WFDC6: variants seen among roughly 807,000 people sequenced by gnomAD.
The protein encoded by WFDC6 is WAP four-disulfide core domain protein 6.
In WFDC6, 10 loss-of-function variants were observed where a neutral mutation model predicts 8.2. That is an observed-to-expected ratio of 1.22 (90% CI 0.75 to 2.07). The LOEUF (loss-of-function observed/expected upper bound fraction) is 2.07. WFDC6 is among the 30% of genes most tolerant of loss of function. The probability of loss-of-function intolerance (pLI) is 0.00; values close to 1 mark genes in which losing one functional copy is unlikely to be tolerated. For synonymous variants in WFDC6, 28 were observed against 37.0 expected, an observed-to-expected ratio of 0.76 and a Z score of 0.88; for missense variants, 105 against 104.9, an observed-to-expected ratio of 1.00 and a Z score of 0.00.
chr20:45,539,183 G>C, intron 1 of WFDC6, 134 bp downstream of exon 1: 1 of 824,546 alleles, frequency 1.2e-6, no homozygotes, highest in African/African-American at 1.7e-5. Context: ...ACTTCAAATA[G>C]CTCCCCTCTT....
intron 1 of WFDC6, 128 bp from the exon 2 acceptor site, chr20:45,538,222 G>A (rs763188761): frequency 3.1e-5 from 47 of 1,494,122 alleles, no homozygotes; most frequent in Non-Finnish European, 4.2e-5. Flanking sequence ...GAAGGTAGTG[G>A]CCCTCAGGGG....
rs778075106 is a variant in WFDC6 at position 45,534,509 on chromosome 20, T to G, written c.223-4A>C. 9 of 1,613,720 alleles carry G rather than the reference T, an allele frequency of 5.6e-6. No individual in the cohort carries two copies. Among genetic ancestry groups the G allele is most frequent in the Non-Finnish European group, 6.8e-6 (8 of 1,179,866 alleles). ...TATGGTATAAAGTAAGGCTGACCTG[T>G]GAAGCAGAAGAATAAAGGGTGAGAT... On this transcript the variant is annotated splice_region_variant and splice_polypyrimidine_tract_variant and intron_variant, in intron 2 of 2. Coordinates refer to ENST00000372670, the MANE Select transcript of WFDC6 (RefSeq NM_080827.2).
chr20:45,538,673 T>C (rs144826221), intron 1 of WFDC6, among the ~76,000 whole-genome samples: 1 of 152,240 alleles, frequency 6.6e-6, no homozygotes, highest in Non-Finnish European at 1.5e-5. Context: ...TCATTACAAA[T>C]CTATGGGTAA....
rs779665929 is a variant in WFDC6, at chr20:45,539,288, A to G, written c.91+29T>C. The G allele has an allele frequency of 6.9e-6, 11 of 1,603,250 alleles. No individual in the cohort carries two copies. The Admixed American group carries it at 1.5e-4, about 22-fold the overall frequency. ...CCTCCCCACTGAGTTTCCTTTCCCC[A>G]TTGCAAGGACGGAGTTCCCAATACT... On this transcript the variant is annotated intron_variant, in intron 1 of 2. Coordinates refer to ENST00000372670, the MANE Select transcript of WFDC6 (RefSeq NM_080827.2).
chr20:45,538,090 C>G lies in WFDC6; in HGVS notation c.96G>C (p.Pro32=), dbSNP rs768457252. ...PGHAEGILGK[P]CPKIKVECEV... ...CGCATTCCACTTTGATTTTGGGACACGGCTCTAAGGGAGGGGAAGATATAT... is the reference window on the plus strand; with the variant it reads ...CGCATTCCACTTTGATTTTGGGACAGGGCTCTAAGGGAGGGGAAGATATAT... The change falls in exon 2 of 3, where the codon CCG becomes CCC. Residue 32 remains proline (P), a synonymous_variant. Transcript: ENST00000372670. 6.2e-7 allele frequency: 1 copy of G among 1,613,922 alleles called. No homozygotes were observed. The highest frequency in any genetic ancestry group is 1.1e-5 in the South Asian group (1 of 91,070).
At chr20:45,537,695 G>C in intron 2 of WFDC6, 1 of 1,132,912 alleles carries the variant, frequency 8.8e-7, no homozygotes, top group Non-Finnish European at 1.3e-6. Flanking sequence ...AGACCATGTG[G>C]TCCATTATCC....
chr20:45,537,615 C>A, intron 2 of WFDC6: 1 of 1,491,072 alleles, frequency 6.7e-7, no homozygotes, highest in South Asian at 1.2e-5. Context: ...TATAACCTGA[C>A]ACAATGTTGG....
In WFDC6 at chr20:45,534,342, A is replaced by G. The variant is rs1979285870; in HGVS notation, c.*125T>C. ...TTGAAGAGATGCTACGCTGGAAGAA[A>G]GTGTGTAAGCAATTCCTGGGGTTCA... On this transcript the variant is annotated 3_prime_UTR_variant, in exon 3 of 3. Coordinates refer to ENST00000372670, the MANE Select transcript of WFDC6 (RefSeq NM_080827.2). 1 of 1,099,560 alleles carries G rather than the reference A, an allele frequency of 9.1e-7. No individual in the cohort carries two copies. Among genetic ancestry groups the G allele is most frequent in the South Asian group, 1.3e-5 (1 of 79,634 alleles). 68.1% of individuals were successfully genotyped at this position (1,099,560 alleles called of 1,614,324 possible).
At chr20:45,537,330 C>G in intron 2 of WFDC6, 1 of 605,264 alleles carries the variant, frequency 1.7e-6, no homozygotes, top group Non-Finnish European at 2.9e-6. Context: ...AATCATGGAT[C>G]TCTTTCCCAG....
chr20:45,537,688 C>A (rs1276705907), intron 2 of WFDC6: 2 of 1,127,500 alleles, frequency 1.8e-6, no homozygotes, highest in Middle Eastern at 2.5e-4. Context: ...AGCCAAGAGA[C>A]CATGTGGTCC....
chr20:45,539,428 T>C lies in WFDC6; in HGVS notation c.-21A>G. ...CCCATTTTAGGAAGTACTGGCCTGGTTGATGGCACCAAAACTAAGAACTGC... is the reference window on the plus strand; with the variant it reads ...CCCATTTTAGGAAGTACTGGCCTGGCTGATGGCACCAAAACTAAGAACTGC... On this transcript the variant is annotated 5_prime_UTR_variant, in exon 1 of 3. Transcript: ENST00000372670. 6.2e-7 allele frequency: 1 copy of C among 1,610,434 alleles called. No individual in the cohort carries two copies.
At chr20:45,538,605 G>GT (rs1167528159) in intron 1 of WFDC6, among the ~76,000 whole-genome samples, 1 of 152,122 alleles carries the variant, frequency 6.6e-6, no homozygotes, top group Non-Finnish European at 1.5e-5. Context: ...GCAATGTAAC[G>GT]TAACAATGAG....
chr20:45,535,474 C>A, intron 2 of WFDC6: 1 of 920,108 alleles, frequency 1.1e-6, no homozygotes, highest in Non-Finnish European at 1.4e-6. Context: ...CAGTGTGAAC[C>A]CTGACCACTC....
Position 45,539,369 on chromosome 20 carries a change from G to A in WFDC6, c.39C>T (p.Phe13=), listed in dbSNP as rs1448846347. The A allele has an allele frequency of 6.2e-7, 1 of 1,613,928 alleles. No individual in the cohort carries two copies. Among genetic ancestry groups the A allele is most frequent in the East Asian group, 2.2e-5 (1 of 44,876 alleles). ...LSGLLPILVP[F]ILLGDIQEPG... is the part of the protein sequence containing the mutation. ...GTTCCTGGATGTCCCCCAAAAGGAT[G>A]AATGGTACCAGGATTGGCAGAAGTC... The change falls in exon 1 of 3, where the codon TTC becomes TTT. Residue 13 remains phenylalanine, a synonymous_variant. Coordinates refer to ENST00000372670, the MANE Select transcript of WFDC6 (RefSeq NM_080827.2).
Position 45,539,374 on chromosome 20 carries a change from G to T in WFDC6, c.34C>A (p.Pro12Thr). ...TGGATGTCCCCCAAAAGGATGAATG[G>T]TACCAGGATTGGCAGAAGTCCTGAG... is the stretch of plus-strand genomic sequence containing the variant. ...GLSGLLPILV[P>T]FILLGDIQEP... Residue 12 changes from proline to threonine, a missense_variant, in exon 1 of 3, where the codon CCA (proline) becomes ACA (threonine). Pro to Thr is a conservative substitution (Grantham distance 38). Transcript: ENST00000372670. 6.2e-7 allele frequency: 1 copy of T among 1,613,896 alleles called. No homozygotes were observed. Among genetic ancestry groups the T allele is most frequent in the Non-Finnish European group, 8.5e-7 (1 of 1,179,860 alleles).
intron 2 of WFDC6, 69 bp downstream of exon 2, chr20:45,537,895 A>C: frequency 5.0e-6 from 8 of 1,608,226 alleles, no homozygotes; most frequent in Non-Finnish European, 6.8e-6. Flanking sequence ...ACTAGGAGAC[A>C]GAGGTAGTGC....
At chr20:45,534,972 G>T (rs1979309065) in intron 2 of WFDC6, among the ~76,000 whole-genome samples, 1 of 152,120 alleles carries the variant, frequency 6.6e-6, no homozygotes, top group Non-Finnish European at 1.5e-5. Context: ...CCTCATACTT[G>T]CCAATATCCC....
intron 1 of WFDC6, among the ~76,000 whole-genome samples, chr20:45,539,111 C>G (rs1231611088): frequency 6.6e-6 from 1 of 152,106 alleles, no homozygotes; most frequent in Admixed American, 6.5e-5. Flanking sequence ...GGAATGGCAG[C>G]AAGGAGTCAC....
chr20:45,539,203 G>A (rs1979489185), intron 1 of WFDC6, 114 bp downstream of exon 1: 1 of 1,029,706 alleles, frequency 9.7e-7, no homozygotes, highest in Admixed American at 2.1e-5. Context: ...TTCCCACCTG[G>A]AATTCCAGGC....
Sources: allele counts gnomAD v4.1 joint callset (sites outside exome capture counted in the v4.1 genomes callset), GRCh38; gene constraint gnomAD v4.1.1; transcripts MANE v1.5; gene names NCBI Gene and HGNC (gene_info 2026-07-23, HGNC 2026-07-21).